RAPGEF5: variants seen among roughly 807,000 people sequenced by gnomAD.
RAPGEF5 encodes M-Ras-regulated GEF.
In RAPGEF5, 65 loss-of-function variants were observed where a neutral mutation model predicts 125.2. That is an observed-to-expected ratio of 0.52 (90% CI 0.43 to 0.64). RAPGEF5 has a LOEUF of 0.64. Ranked by LOEUF, RAPGEF5 falls within the 30% of genes least tolerant of loss-of-function variation. The probability of loss-of-function intolerance (pLI) is 0.00; values close to 1 mark genes in which losing one functional copy is unlikely to be tolerated. For missense variants in RAPGEF5, 958 were observed against 1,048.1 expected (o/e 0.91, Z 1.19); for synonymous variants, 391 against 385.9 (o/e 1.01, Z -0.16).
intron 7 of RAPGEF5, among the ~76,000 whole-genome samples, chr7:22,256,184 T>G (rs778158474): frequency 6.6e-6 from 1 of 152,186 alleles, no homozygotes; most frequent in Non-Finnish European, 1.5e-5. Flanking sequence ...CACTTCATCC[T>G]TCCAACAAGA....
intron 11 of RAPGEF5, among the ~76,000 whole-genome samples, chr7:22,168,583 T>C (rs745585260): frequency 4.6e-5 from 7 of 152,216 alleles, no homozygotes; most frequent in African/African-American, 1.7e-4. Context: ...TAGCTCTACA[T>C]TGAAGACTGG....
chr7:22,188,704 T>C (rs2128124300), intron 11 of RAPGEF5, among the ~76,000 whole-genome samples: 1 of 147,446 alleles, frequency 6.8e-6, no homozygotes, highest in South Asian at 2.1e-4. Flanking sequence ...AGGTGGAGGT[T>C]GCAGTGAGCC....
intron 9 of RAPGEF5, among the ~76,000 whole-genome samples, chr7:22,200,173 T>G (rs1037181046): frequency 2.0e-5 from 3 of 152,008 alleles, no homozygotes; most frequent in Non-Finnish European, 4.4e-5. Context: ...TATACAAATG[T>G]GGGTACAGCA....
In RAPGEF5 at chr7:22,193,384, A is replaced by G. The variant is rs1366670800; in HGVS notation, c.1187T>C (p.Val396Ala). 1 of 1,590,892 alleles carries G rather than the reference A, an allele frequency of 6.3e-7. No homozygotes were observed. The highest frequency in any genetic ancestry group is 8.6e-7 in the Non-Finnish European group (1 of 1,167,830). Residue 396 changes from valine to alanine, a missense_variant, in exon 11 of 26, where the codon GTC becomes GCC. Val to Ala is a moderately conservative substitution (Grantham distance 64). Coordinates refer to ENST00000665637, the MANE Select transcript of RAPGEF5 (RefSeq NM_012294.5). ...AGCCTTACCTGTTTCTTTGTCCTGG[A>G]CTTCTTCCAGGTGCAAGTCATTCAA... ...HLLNDLHLEE[V>A]QDKETETLLD...
Position 22,194,834 on chromosome 7 carries a change from C to G in RAPGEF5, c.997-801G>C, listed in dbSNP as rs1467635436. ...GTGGCCCGCTGACGTGGCTCTGTCA[C>G]AGAGGACAGCTTGCTGCTGACCCAG... On this transcript the variant is annotated intron_variant, in intron 9 of 25. Coordinates refer to ENST00000665637, the MANE Select transcript of RAPGEF5 (RefSeq NM_012294.5). 11 of 896,404 alleles carry G rather than the reference C, an allele frequency of 1.2e-5. No individual in the cohort carries two copies. In the East Asian group the frequency reaches 1.2e-3, roughly 97 times the overall value. The allele number at this position is 896,404 out of a possible 1,614,324, so 55.5% of individuals were successfully genotyped here.
At chr7:22,142,840 A>C (rs1008041177) in intron 20 of RAPGEF5, among the ~76,000 whole-genome samples, 4 of 152,250 alleles carry the variant, frequency 2.6e-5, no homozygotes, top group Non-Finnish European at 5.9e-5. Context: ...CAGGCAGGAA[A>C]AACGCTTCAT....
intron 17 of RAPGEF5, among the ~76,000 whole-genome samples, chr7:22,153,652 G>A (rs995186140): frequency 2.0e-5 from 3 of 152,152 alleles, no homozygotes; most frequent in African/African-American, 4.8e-5. Flanking sequence ...ACAGGAATGC[G>A]GTTAATCTGC....
chr7:22,272,912 AT>A (rs950734963), intron 6 of RAPGEF5, among the ~76,000 whole-genome samples: 5 of 150,998 alleles, frequency 3.3e-5, no homozygotes, highest in African/African-American at 1.2e-4. Context: ...GCCTGCCACC[AT>A]GCCCAGCTAA....
chr7:22,150,074 CTTTTTTTTTTT>C (rs71550462), intron 18 of RAPGEF5, among the ~76,000 whole-genome samples: 1 of 76,288 alleles, frequency 1.3e-5, no homozygotes, highest in African/African-American at 5.1e-5. Flanking sequence ...ACGTGTGTTC[CTTTTTTTTTTT>C]TTTTTTTTTT....
chr7:22,193,362 C>G lies in RAPGEF5; in HGVS notation c.1204+5G>C. 6.3e-7 allele frequency: 1 copy of G among 1,578,684 alleles called. No individual in the cohort carries two copies. Among genetic ancestry groups the G allele is most frequent in the Non-Finnish European group, 8.6e-7 (1 of 1,161,010 alleles). On this transcript the variant is annotated splice_donor_5th_base_variant and intron_variant, in intron 11 of 25. Coordinates refer to ENST00000665637, the MANE Select transcript of RAPGEF5 (RefSeq NM_012294.5). ...TCTGGAAGCATGAGCTACTCAGAGC[C>G]TTACCTGTTTCTTTGTCCTGGACTT... is the stretch of plus-strand genomic sequence containing the variant.
At chr7:22,187,942 A>G (rs1272389890) in intron 11 of RAPGEF5, among the ~76,000 whole-genome samples, 1 of 152,218 alleles carries the variant, frequency 6.6e-6, no homozygotes, top group Admixed American at 6.5e-5. Context: ...ACTCAGCCCA[A>G]CTGAATTAGG....
chr7:22,229,745 C>G (rs1387646078), intron 8 of RAPGEF5, among the ~76,000 whole-genome samples: 1 of 152,166 alleles, frequency 6.6e-6, no homozygotes, highest in African/African-American at 2.4e-5. Flanking sequence ...ATCAAGCTTT[C>G]TTAGACACAC....
At position 22,191,635 on chromosome 7, in the gene RAPGEF5, T is replaced by TG. The variant is rs139161700; in HGVS notation, c.1204+1731dup. 4,330 of 471,100 alleles carry TG rather than the reference T, an allele frequency of 9.2e-3. 141 individuals carry two copies. The highest frequency in any genetic ancestry group is 0.078 in the African/African-American group (3,929 of 50,150). The allele number at this position is 471,100 out of a possible 1,614,324, so 29.2% of individuals were successfully genotyped here. A position where few individuals can be genotyped will look rare whatever the true frequency, so the allele number is the denominator to read the frequency against. On this transcript the variant is annotated intron_variant, in intron 11 of 25. Transcript: ENST00000665637. ...AAGTGACACATGTGATCCCAGGGGT[T>TG]GGTATAACTGAGAAGAAAGCAAGAA...
In RAPGEF5 at chr7:22,308,361, C is replaced by A. The variant is rs1054679002; in HGVS notation, c.658G>T (p.Ala220Ser). ...TACAGTTCACAGATGCCACCTCTGG[C>A]AGGAATGAGAGGCACAAGTTGCAGT... ...LLLQLVPLIP[A>S]RGGICELSHQ... Residue 220 changes from alanine to serine, a missense_variant, in exon 5 of 26, where the codon GCC becomes TCC. Transcript: ENST00000665637. 2 of 1,588,932 alleles carry A rather than the reference C, an allele frequency of 1.3e-6. No homozygotes were observed. The highest frequency in any genetic ancestry group is 1.7e-6 in the Non-Finnish European group (2 of 1,166,540).
At chr7:22,281,355 G>C (rs962167361) in intron 6 of RAPGEF5, among the ~76,000 whole-genome samples, 1 of 152,156 alleles carries the variant, frequency 6.6e-6, no homozygotes, top group East Asian at 1.9e-4. Context: ...GGGACCACAG[G>C]TGCACGCCAC....
chr7:22,189,046 T>C (rs1046031863), intron 11 of RAPGEF5, among the ~76,000 whole-genome samples: 1 of 99,250 alleles, frequency 1.0e-5, no homozygotes, highest in Non-Finnish European at 2.0e-5. Flanking sequence ...GATAACCTCA[T>C]GAAATTAAAA....
At chr7:22,272,342 CAAAAAAAA>C (rs1282857477) in intron 6 of RAPGEF5, among the ~76,000 whole-genome samples, 2 of 35,974 alleles carry the variant, frequency 5.6e-5, no homozygotes, top group Non-Finnish European at 1.2e-4. Context: ...GACTCCGTCT[CAAAAAAAA>C]AAAAAAAAAA....
At chr7:22,184,349 AC>A (rs1177738903) in intron 11 of RAPGEF5, among the ~76,000 whole-genome samples, 1 of 152,232 alleles carries the variant, frequency 6.6e-6, no homozygotes, top group Non-Finnish European at 1.5e-5. Flanking sequence ...CATTGAATAA[AC>A]TACTCTACAT....
chr7:22,294,110 T>G (rs1249811757), intron 5 of RAPGEF5, among the ~76,000 whole-genome samples: 1 of 150,734 alleles, frequency 6.6e-6, no homozygotes, highest in Admixed American at 6.6e-5. Context: ...GCTGTGCTGC[T>G]CGTGAATGAG....
Sources: gnomAD v4.1 joint callset for allele counts (sites outside exome capture counted in the v4.1 genomes callset) on GRCh38, gnomAD v4.1.1 for gene constraint, MANE v1.5 for transcripts, NCBI Gene and HGNC (gene_info 2026-07-23, HGNC 2026-07-21) for gene names.